The following S100A5 variants were observed in gnomAD, a reference collection of about 807,000 sequenced individuals.
S100A5 encodes protein S100-A5.
A neutral mutation model predicts 6.7 loss-of-function variants in S100A5; 5 were observed. The ratio of observed to expected loss-of-function variants is 0.75; its 90% confidence interval spans 0.39 to 1.57. S100A5 has a LOEUF of 1.57. Among genes scored for constraint, S100A5 ranks in the 40% most tolerant of loss-of-function variants. The pLI is 0.03. For missense variants in S100A5, 129 were observed against 110.8 expected (o/e 1.16, Z -0.74); for synonymous variants, 49 against 44.9 (o/e 1.09, Z -0.37).
chr1:153,543,495 C>T (rs1250615996), upstream of S100A5: 3 of 449,188 alleles, frequency 6.7e-6, no homozygotes, highest in Non-Finnish European at 8.0e-6. Context: ...TGCATCCCTC[C>T]CCTAACTTCA....
At position 153,537,425 on chromosome 1, in the gene S100A5, G is replaced by C. The variant is rs570948844; in HGVS notation, c.150C>G (p.Ser50Arg). ...GGCTCTTCATCAAGTCATCGATGCT[G>C]CTCTCCTTCATCTTTTGTGGACCCA... ...KELCLGEMKE[S>R]SIDDLMKSLD... The change falls in exon 3 of 3, where the codon AGC (serine) becomes AGG (arginine). Residue 50 changes from serine (S) to arginine (R), a missense_variant. Physicochemically the swap from Ser to Arg is moderately radical, Grantham distance 110. Transcript: ENST00000368717. 336 of 1,613,964 alleles carry C rather than the reference G, an allele frequency of 2.1e-4. No homozygotes were observed. Among genetic ancestry groups the C allele is most frequent in the Non-Finnish European group, 2.8e-4 (325 of 1,179,984 alleles).
intron 2 of S100A5, among the ~76,000 whole-genome samples, chr1:153,539,446 AAAAAATATATATATAT>A (rs1665304852): frequency 2.4e-5 from 2 of 84,396 alleles, no homozygotes; most frequent in African/African-American, 1.2e-4. Context: ...AAAAAAAAAA[AAAAAATATATATATAT>A]ATATATATAT....
At chr1:153,539,733 T>G (rs573973075) in intron 2 of S100A5, among the ~76,000 whole-genome samples, 1 of 152,064 alleles carries the variant, frequency 6.6e-6, no homozygotes, top group South Asian at 2.1e-4. Context: ...ACACCCTGCA[T>G]CCCTTCACCA....
intron 2 of S100A5, among the ~76,000 whole-genome samples, chr1:153,538,553 AC>A (rs144613719): frequency 0.037 from 5,562 of 151,872 alleles, 360 homozygotes; most frequent in African/African-American, 0.13. Context: ...GCCCTCATTA[AC>A]CTCCAGGATG....
upstream of S100A5, chr1:153,541,817 C>T: frequency 1.9e-6 from 2 of 1,041,664 alleles, no homozygotes; most frequent in Non-Finnish European, 2.3e-6. Flanking sequence ...CACATCGGGC[C>T]CCTCCCACCC....
chr1:153,539,775 C>G lies in S100A5; in HGVS notation c.138+279G>C, dbSNP rs565237823. 6.0e-4 allele frequency among the ~76,000 whole-genome samples: 92 copies of G among 152,196 alleles called. No individual in the cohort carries two copies. The South Asian group carries it at 0.011, about 19-fold the overall frequency. ...ACCCCTAGCACAGGTTCTGCCACTG[C>G]TGGGAGAGCCTGGCCCCACCATCGA... On this transcript the variant is annotated intron_variant, in intron 2 of 2. Coordinates refer to ENST00000368717, the MANE Select transcript of S100A5 (RefSeq NM_001394232.1).
In S100A5 at chr1:153,539,490, T is replaced by TATTTATCC. The variant is rs1402380612; in HGVS notation, c.138+563_138+564insGGATAAAT. 2.1e-5 allele frequency among the ~76,000 whole-genome samples: 3 copies of TATTTATCC among 142,004 alleles called. 1 individual carries two copies. The highest frequency in any genetic ancestry group is 8.1e-5 in the African/African-American group (3 of 36,988). The allele number at this position is 142,004 out of a possible 152,430, so 93.2% of individuals were successfully genotyped here. ...ATATATATATATTTATTTATTTATT[T>TATTTATCC]ATCCTCGGGGATATTGTATTATAAT... On this transcript the variant is annotated intron_variant, in intron 2 of 2. Transcript: ENST00000368717.
intron 1 of S100A5, 49 bp downstream of exon 1, chr1:153,540,572 T>G (rs565213710): frequency 5.5e-6 from 1 of 182,508 alleles, no homozygotes; most frequent in African/African-American, 2.4e-5. Flanking sequence ...GCTTAGGAAC[T>G]GGTTTTCCAC....
upstream of S100A5, chr1:153,542,036 A>G (rs1019214696): frequency 7.0e-5 from 25 of 358,298 alleles, no homozygotes; most frequent in Non-Finnish European, 9.7e-5. Context: ...GAGGACTGAG[A>G]ATCAGGAATA....
In S100A5 at chr1:153,537,429, T is replaced by C; in HGVS notation, c.146A>G (p.Glu49Gly). ...KKELCLGEMKESSIDDLMKSL... is the reference protein window; with the variant it reads ...KKELCLGEMKGSSIDDLMKSL... Reference sequence around the variant, plus strand: ...CTTCATCAAGTCATCGATGCTGCTCTCCTTCATCTTTTGTGGACCCAGGTG... The same window carrying C: ...CTTCATCAAGTCATCGATGCTGCTCCCCTTCATCTTTTGTGGACCCAGGTG... The change falls in exon 3 of 3, where the codon GAG becomes GGG. Residue 49 changes from glutamate to glycine, a missense_variant. Physicochemically the swap from Glu to Gly is moderately conservative, Grantham distance 98. Coordinates refer to ENST00000368717, the MANE Select transcript of S100A5 (RefSeq NM_001394232.1). 6.2e-7 allele frequency: 1 copy of C among 1,614,066 alleles called. No individual in the cohort carries two copies. Among genetic ancestry groups the C allele is most frequent in the Non-Finnish European group, 8.5e-7 (1 of 1,179,960 alleles).
upstream of S100A5, among the ~76,000 whole-genome samples, chr1:153,542,982 C>T (rs1665437926): frequency 6.6e-6 from 1 of 152,090 alleles, no homozygotes; most frequent in Non-Finnish European, 1.5e-5. Context: ...ATGGCAGAGA[C>T]GGTGGATTCG....
At chr1:153,541,900 C>T (rs73026324), upstream of S100A5, 1,673 of 1,002,908 alleles carry the variant, frequency 1.7e-3, 24 homozygotes, top group African/African-American at 0.026. Context: ...ATATTTTCTG[C>T]GAAGGATATG....
upstream of S100A5, among the ~76,000 whole-genome samples, chr1:153,542,359 G>T (rs1271849453): frequency 6.6e-6 from 1 of 152,196 alleles, no homozygotes; most frequent in Non-Finnish European, 1.5e-5. Context: ...AGCAGGGATT[G>T]GTTGCTATGC....
intron 2 of S100A5, 58 bp downstream of exon 2, chr1:153,539,996 T>C: frequency 6.3e-7 from 1 of 1,593,380 alleles, no homozygotes; most frequent in Non-Finnish European, 8.6e-7. Flanking sequence ...GGTAGGTATG[T>C]GTCCCCCAGA....
chr1:153,541,210 C>T (rs1241683572), upstream of S100A5, among the ~76,000 whole-genome samples: 1 of 152,220 alleles, frequency 6.6e-6, no homozygotes, highest in East Asian at 1.9e-4. Context: ...CCCCCACCTC[C>T]ACCCCAGAGC....
At chr1:153,543,293 T>A, upstream of S100A5, 6 of 985,316 alleles carry the variant, frequency 6.1e-6, no homozygotes, top group Non-Finnish European at 6.0e-6. Context: ...GATATGACCT[T>A]CAATTCCAGC....
intron 2 of S100A5, among the ~76,000 whole-genome samples, chr1:153,538,018 C>T (rs1011933641): frequency 3.3e-5 from 5 of 151,882 alleles, no homozygotes; most frequent in African/African-American, 1.2e-4. Context: ...TGCACTCCAG[C>T]CTGGGCAACA....
At chr1:153,543,020 A>G (rs536123506), upstream of S100A5, among the ~76,000 whole-genome samples, 31 of 152,208 alleles carry the variant, frequency 2.0e-4, no homozygotes, top group Non-Finnish European at 3.4e-4. Context: ...ATGCTGCTGC[A>G]AACAGCGGGT....
At chr1:153,541,779 C>A, upstream of S100A5, 3 of 1,085,168 alleles carry the variant, frequency 2.8e-6, no homozygotes, top group Non-Finnish European at 1.1e-6. Flanking sequence ...ACACAGGGCA[C>A]CATCTCCCCG....
Sources: gnomAD v4.1 joint callset for allele counts (sites outside exome capture counted in the v4.1 genomes callset) on GRCh38, gnomAD v4.1.1 for gene constraint, MANE v1.5 for transcripts, NCBI Gene and HGNC (gene_info 2026-07-23, HGNC 2026-07-21) for gene names.